The following GPBP1L1 variants were observed in gnomAD, a reference collection of about 807,000 sequenced individuals.
The protein encoded by GPBP1L1 is vasculin-like protein 1.
GPBP1L1 carries 23 observed loss-of-function variants against 52.5 expected under a neutral mutation model. The ratio of observed to expected loss-of-function variants is 0.44; its 90% confidence interval spans 0.32 to 0.62. The LOEUF (loss-of-function observed/expected upper bound fraction) is 0.62. Among genes scored for constraint, GPBP1L1 ranks in the 20% least tolerant of loss-of-function variants. The probability of loss-of-function intolerance (pLI) is 0.06; values close to 1 mark genes in which losing one functional copy is unlikely to be tolerated. For synonymous variants in GPBP1L1, 243 were observed against 203.1 expected (o/e 1.20, Z -1.67); for missense variants, 596 against 579.3 (o/e 1.03, Z -0.30).
At chr1:45,660,119 G>A (rs1164171801) in intron 3 of GPBP1L1, 65 bp downstream of exon 3, 8 of 887,692 alleles carry the variant, frequency 9.0e-6, no homozygotes, top group South Asian at 5.2e-5. Context: ...GAAAGCAGTC[G>A]GTATTTTTCA....
intron 2 of GPBP1L1, among the ~76,000 whole-genome samples, chr1:45,678,630 C>T (rs983397479): frequency 1.3e-5 from 2 of 152,062 alleles, no homozygotes; most frequent in Admixed American, 1.3e-4. Context: ...TGCAATCATA[C>T]CAAACCACTC....
chr1:45,642,370 C>T (rs1044878159), intron 7 of GPBP1L1, 57 bp downstream of exon 7: 1 of 1,136,470 alleles, frequency 8.8e-7, no homozygotes, highest in Non-Finnish European at 1.3e-6. Flanking sequence ...CTTTGCTCCC[C>T]TCCCTGCTAA....
chr1:45,682,497 T>C (rs946928288), intron 2 of GPBP1L1, among the ~76,000 whole-genome samples: 2 of 152,314 alleles, frequency 1.3e-5, no homozygotes, highest in East Asian at 1.9e-4. Context: ...CTTAATGACT[T>C]TGTTAAAATC....
chr1:45,670,431 C>T (rs1353609230), intron 2 of GPBP1L1, among the ~76,000 whole-genome samples: 3 of 152,150 alleles, frequency 2.0e-5, no homozygotes, highest in Non-Finnish European at 2.9e-5. Context: ...GATGAGCACA[C>T]GTTCTTAATT....
intron 6 of GPBP1L1, among the ~76,000 whole-genome samples, chr1:45,652,092 C>T (rs1433868063): frequency 6.6e-6 from 1 of 152,158 alleles, no homozygotes; most frequent in Non-Finnish European, 1.5e-5. Context: ...TGAGGCTGTC[C>T]AGTGCGTTTT....
intron 2 of GPBP1L1, among the ~76,000 whole-genome samples, chr1:45,674,620 T>C (rs908222660): frequency 2.0e-5 from 3 of 152,204 alleles, no homozygotes; most frequent in African/African-American, 7.2e-5. Flanking sequence ...AGGCTAGCAA[T>C]ACGCAGTACA....
chr1:45,672,159 G>A (rs987569379), intron 2 of GPBP1L1, among the ~76,000 whole-genome samples: 3 of 152,100 alleles, frequency 2.0e-5, no homozygotes, highest in Admixed American at 1.3e-4. Context: ...TCAGGAGCTC[G>A]AGACCAGCCT....
intron 4 of GPBP1L1, among the ~76,000 whole-genome samples, chr1:45,656,556 C>T (rs925458874): frequency 6.6e-6 from 1 of 152,034 alleles, no homozygotes; most frequent in African/African-American, 2.4e-5. Flanking sequence ...TTCTTTACTC[C>T]GCCCCCATGT....
At chr1:45,650,998 T>A in intron 6 of GPBP1L1, 1 of 348,258 alleles carries the variant, frequency 2.9e-6, no homozygotes, top group South Asian at 2.2e-5. Context: ...GCATTACCTT[T>A]TTATGTAAAG....
At chr1:45,677,877 G>T (rs898839731) in intron 2 of GPBP1L1, among the ~76,000 whole-genome samples, 6 of 152,126 alleles carry the variant, frequency 3.9e-5, no homozygotes, top group African/African-American at 1.2e-4. Context: ...CACAAACAAA[G>T]AATTCTCATA....
In GPBP1L1 at chr1:45,645,761, G is replaced by GTTT. The variant is rs200652331; in HGVS notation, c.478-3265_478-3263dup. 216 of 304,684 alleles carry GTTT rather than the reference G, an allele frequency of 7.1e-4. 4 individuals are homozygous for GTTT. Among genetic ancestry groups the GTTT allele is most frequent in the South Asian group, 2.2e-3 (81 of 37,414 alleles). 18.9% of individuals were successfully genotyped at this position (304,684 alleles called of 1,614,324 possible). A position where few individuals can be genotyped will look rare whatever the true frequency, so the allele number is the denominator to read the frequency against. ...AAAGTCTTGGGAACGATATTCCGAA[G>GTTT]TTTTTTGTTTTTTTTTTTTTTGAGG... On this transcript the variant is annotated intron_variant, in intron 6 of 12. Coordinates refer to ENST00000355105, the MANE Select transcript of GPBP1L1 (RefSeq NM_021639.5).
chr1:45,642,433 C>G lies in GPBP1L1; in HGVS notation c.544G>C (p.Val182Leu), dbSNP rs1210276077. 1 of 1,613,110 alleles carries G rather than the reference C, an allele frequency of 6.2e-7. No individual in the cohort carries two copies. Among genetic ancestry groups the G allele is most frequent in the African/African-American group, 1.3e-5 (1 of 74,896 alleles). Reference sequence around the variant, plus strand: ...AATGGCAAAATCTACCTACCCCATACTCCAGAAGGTGTCCCAATAGGTCTG... The same window carrying G: ...AATGGCAAAATCTACCTACCCCATAGTCCAGAAGGTGTCCCAATAGGTCTG... ...PCRPIGTPSGVWENPPSAKQP... is the reference protein window; with the variant it reads ...PCRPIGTPSGLWENPPSAKQP... Residue 182 changes from valine (V) to leucine (L), a missense_variant, in exon 7 of 13, where the codon GTA becomes CTA. Physicochemically the swap from Val to Leu is conservative, Grantham distance 32. Coordinates refer to ENST00000355105, the MANE Select transcript of GPBP1L1 (RefSeq NM_021639.5).
chr1:45,670,254 T>C (rs1215442384), intron 2 of GPBP1L1, among the ~76,000 whole-genome samples: 3 of 152,268 alleles, frequency 2.0e-5, no homozygotes, highest in African/African-American at 7.2e-5. Context: ...TATCAGGTCT[T>C]TGTACTTCCC....
chr1:45,636,180 G>A (rs572038009), intron 8 of GPBP1L1, among the ~76,000 whole-genome samples: 102 of 152,194 alleles, frequency 6.7e-4, no homozygotes, highest in Non-Finnish European at 1.4e-3. Flanking sequence ...ATGCGATATT[G>A]CTCATTATGA....
chr1:45,669,623 C>T (rs972753205), intron 2 of GPBP1L1, among the ~76,000 whole-genome samples: 23 of 104,152 alleles, frequency 2.2e-4, no homozygotes, highest in African/African-American at 8.8e-4. Flanking sequence ...TATGACCCCC[C>T]CTCCAACCCC....
At chr1:45,680,251 T>TTC (rs1420098957) in intron 2 of GPBP1L1, among the ~76,000 whole-genome samples, 2 of 150,952 alleles carry the variant, frequency 1.3e-5, no homozygotes, top group Non-Finnish European at 3.0e-5. Flanking sequence ...TTTTTTTTTT[T>TTC]TTCTTGAGAC....
chr1:45,638,038 T>C (rs1440178953), intron 8 of GPBP1L1, among the ~76,000 whole-genome samples: 1 of 152,230 alleles, frequency 6.6e-6, no homozygotes, highest in African/African-American at 2.4e-5. Context: ...GCTGTTTCTT[T>C]GTAATAGTTG....
intron 2 of GPBP1L1, among the ~76,000 whole-genome samples, chr1:45,678,115 G>C (rs1645168779): frequency 6.6e-6 from 1 of 152,172 alleles, no homozygotes; most frequent in African/African-American, 2.4e-5. Context: ...AATCCAGAGA[G>C]AGAGAAAGTA....
chr1:45,681,520 G>A (rs1403663265), intron 2 of GPBP1L1, among the ~76,000 whole-genome samples: 2 of 152,172 alleles, frequency 1.3e-5, no homozygotes, highest in African/African-American at 4.8e-5. Flanking sequence ...AAGGTCAACA[G>A]AAAAGTAGTA....
Sources: allele counts gnomAD v4.1 joint callset (sites outside exome capture counted in the v4.1 genomes callset), GRCh38; gene constraint gnomAD v4.1.1; transcripts MANE v1.5; gene names NCBI Gene and HGNC (gene_info 2026-07-23, HGNC 2026-07-21).